ROBO2: variants seen among roughly 807,000 people sequenced by gnomAD.
The protein encoded by ROBO2 is roundabout homolog 2.
ROBO2 carries 53 observed loss-of-function variants against 160.8 expected under a neutral mutation model. The ratio of observed to expected loss-of-function variants is 0.33; its 90% CI spans 0.26 to 0.41. ROBO2 has a LOEUF of 0.41. ROBO2 is among the 10% of genes least tolerant of loss of function. ROBO2 has a pLI of 1.00. For synonymous variants in ROBO2, 664 were observed against 611.7 expected, an observed-to-expected ratio of 1.09 and a Z score of -1.26; for missense variants, 1,577 against 1,722.4, an observed-to-expected ratio of 0.92 and a Z score of 1.49.
In ROBO2 at chr3:76,578,643, G is replaced by A. The variant is rs573361106; in HGVS notation, c.110-519371G>A. Among the ~76,000 whole-genome samples the A allele has an allele frequency of 8.6e-5, 13 of 151,834 alleles. 1 individual carries two copies. In the South Asian group the frequency reaches 2.3e-3, roughly 27 times the overall value. ...CACCTGCTACTTCTCCATCTCCCTC[G>A]CCTCCCTTGATGGTTCTTTATTCCC... On this transcript the variant is annotated intron_variant, in intron 2 of 26. Coordinates refer to the ROBO2 transcript ENST00000487694.
intron 2 of ROBO2, among the ~76,000 whole-genome samples, chr3:76,704,171 C>A (rs76581869): frequency 0.046 from 6,951 of 152,136 alleles, 223 homozygotes; most frequent in Non-Finnish European, 0.073. Flanking sequence ...ATATCTTCAT[C>A]ATTTTTGACA....
chr3:76,936,741 C>A lies in ROBO2; in HGVS notation c.110-161273C>A, dbSNP rs753848235. Among the ~76,000 whole-genome samples, 14 of 63,052 alleles carry A rather than the reference C, an allele frequency of 2.2e-4. 1 individual carries two copies. Among genetic ancestry groups the A allele is most frequent in the Non-Finnish European group, 2.0e-4 (6 of 30,760 alleles). 41.4% of individuals were successfully genotyped at this position (63,052 alleles called of 152,430 possible). On this transcript the variant is annotated intron_variant, in intron 2 of 26. Coordinates refer to the ROBO2 transcript ENST00000487694. The stretch of plus-strand genomic sequence containing the variant: ...TTCTAAGAATTCATTTTATTCACAA[C>A]AGCAGTGGATATTTTTAGACTACAG...
At chr3:76,945,037 C>T (rs566467771) in intron 2 of ROBO2, among the ~76,000 whole-genome samples, 1 of 151,846 alleles carries the variant, frequency 6.6e-6, no homozygotes, top group East Asian at 2.0e-4. Flanking sequence ...TACAGGCGCC[C>T]GCCACCACGC....
At chr3:76,660,880 A>G (rs1475255287) in intron 2 of ROBO2, among the ~76,000 whole-genome samples, 1 of 152,158 alleles carries the variant, frequency 6.6e-6, no homozygotes, top group South Asian at 2.1e-4. Context: ...AGTTTTTTTC[A>G]TCAACTAAAG....
chr3:77,605,534 T>G (rs1416704657), intron 20 of ROBO2, among the ~76,000 whole-genome samples: 1 of 152,212 alleles, frequency 6.6e-6, no homozygotes, highest in Non-Finnish European at 1.5e-5. Flanking sequence ...GATTGTTGGA[T>G]AGAAAGCCCT....
intron 2 of ROBO2, among the ~76,000 whole-genome samples, chr3:77,029,874 T>C (rs776927841): frequency 6.6e-6 from 1 of 152,282 alleles, no homozygotes; most frequent in South Asian, 2.1e-4. Context: ...TGAATAAGGT[T>C]TCTTTATTAA....
intron 2 of ROBO2, among the ~76,000 whole-genome samples, chr3:76,622,931 G>T (rs186472246): frequency 2.1e-4 from 32 of 152,114 alleles, no homozygotes; most frequent in African/African-American, 7.7e-4. Context: ...AGGCTTCCCC[G>T]ATGTGAGAGC....
At chr3:75,911,641 T>G (rs1946593750) in intron 1 of ROBO2, among the ~76,000 whole-genome samples, 1 of 133,768 alleles carries the variant, frequency 7.5e-6, no homozygotes, top group Non-Finnish European at 1.6e-5. Flanking sequence ...CACTGCAAGC[T>G]CCGCCTCCCG....
intron 8 of ROBO2, 95 bp downstream of exon 9, chr3:77,551,084 T>C: frequency 3.9e-6 from 5 of 1,280,258 alleles, no homozygotes; most frequent in African/African-American, 1.5e-5. Context: ...TGTTAAATCA[T>C]TTCTATGTAT....
intron 2 of ROBO2, among the ~76,000 whole-genome samples, chr3:77,018,796 T>C (rs2062440743): frequency 6.6e-6 from 1 of 152,170 alleles, no homozygotes; most frequent in Non-Finnish European, 1.5e-5. Flanking sequence ...CTACCTGAGA[T>C]TCCTAGAGTA....
intron 2 of ROBO2, among the ~76,000 whole-genome samples, chr3:76,322,804 G>A (rs2072677796): frequency 6.6e-6 from 1 of 152,028 alleles, no homozygotes; most frequent in Admixed American, 6.6e-5. Context: ...TTACAATTTT[G>A]ATTACAGCAA....
chr3:76,081,175 A>T (rs527985484), intron 2 of ROBO2, among the ~76,000 whole-genome samples: 1 of 152,070 alleles, frequency 6.6e-6, no homozygotes, highest in South Asian at 2.1e-4. Context: ...ACATATATAT[A>T]TATTCTATTC....
chr3:77,558,237 C>A, intron 9 of ROBO2, 88 bp downstream of exon 10: 1 of 1,033,970 alleles, frequency 9.7e-7, no homozygotes, highest in Non-Finnish European at 1.5e-6. Context: ...TAAAATCTTA[C>A]ATCCTAGTAT....
intron 2 of ROBO2, among the ~76,000 whole-genome samples, chr3:76,182,533 T>C (rs552217615): frequency 6.6e-6 from 1 of 152,232 alleles, no homozygotes; most frequent in East Asian, 1.9e-4. Context: ...AAAATATTGA[T>C]TAACCCCTGT....
intron 2 of ROBO2, among the ~76,000 whole-genome samples, chr3:76,661,179 T>C: frequency 6.6e-6 from 1 of 152,286 alleles, no homozygotes; most frequent in East Asian, 1.9e-4. Context: ...AAGATAAAAG[T>C]CTCTAAAGTA....
intron 2 of ROBO2, among the ~76,000 whole-genome samples, chr3:76,832,222 G>A (rs2067152717): frequency 6.6e-6 from 1 of 152,176 alleles, no homozygotes; most frequent in Non-Finnish European, 1.5e-5. Context: ...TCCAAAGAAA[G>A]TAAAAACTTA....
chr3:76,353,784 G>T (rs185956182), intron 2 of ROBO2, among the ~76,000 whole-genome samples: 126 of 151,858 alleles, frequency 8.3e-4, no homozygotes, highest in African/African-American at 2.7e-3. Context: ...TATTTTCTTA[G>T]AACTTAGAGA....
intron 2 of ROBO2, among the ~76,000 whole-genome samples, chr3:76,688,007 A>G (rs1473935778): frequency 6.6e-6 from 1 of 152,118 alleles, no homozygotes; most frequent in Non-Finnish European, 1.5e-5. Flanking sequence ...ATGAAATGTT[A>G]AAGTATTCAA....
intron 2 of ROBO2, among the ~76,000 whole-genome samples, chr3:76,676,542 T>G (rs2092413125): frequency 6.6e-6 from 1 of 152,106 alleles, no homozygotes. Context: ...GGTATTTGTG[T>G]GTGTAAGTGT....
Sources: allele counts gnomAD v4.1 joint callset (sites outside exome capture counted in the v4.1 genomes callset), GRCh38; gene constraint gnomAD v4.1.1; transcripts MANE v1.5; gene names NCBI Gene and HGNC (gene_info 2026-07-23, HGNC 2026-07-21).